Variants in CSNK1G1 observed in about 807,000 individuals in gnomAD.
CSNK1G1 encodes casein kinase I isoform gamma-1.
CSNK1G1 carries 22 observed loss-of-function variants against 59.6 expected under a neutral mutation model. That is an observed-to-expected ratio of 0.37 (90% CI 0.26 to 0.53). The LOEUF is 0.53. Among genes scored for constraint, CSNK1G1 ranks in the 20% least tolerant of loss-of-function variants. CSNK1G1 has a pLI of 0.89. For missense variants in CSNK1G1, 384 were observed against 519.5 expected (o/e 0.74, Z 2.54); for synonymous variants, 179 against 177.1 (o/e 1.01, Z -0.08).
intron 5 of CSNK1G1, among the ~76,000 whole-genome samples, chr15:64,215,415 C>A (rs942907903): frequency 1.3e-5 from 2 of 151,586 alleles, no homozygotes; most frequent in African/African-American, 2.4e-5. Context: ...GGTTTCACTG[C>A]GTTAGCCAGG....
intron 1 of CSNK1G1, among the ~76,000 whole-genome samples, chr15:64,309,864 C>T (rs1414610851): frequency 1.3e-5 from 2 of 152,074 alleles, no homozygotes; most frequent in African/African-American, 2.4e-5. Flanking sequence ...AATCCTAGAA[C>T]TTTGGGAGGT....
chr15:64,254,743 G>A (rs1228014363), intron 3 of CSNK1G1, among the ~76,000 whole-genome samples: 1 of 152,112 alleles, frequency 6.6e-6, no homozygotes, highest in African/African-American at 2.4e-5. Context: ...TCCTTTCCAT[G>A]GGTTGCCCTT....
intron 4 of CSNK1G1, among the ~76,000 whole-genome samples, chr15:64,236,157 A>AAAG (rs2082613710): frequency 6.6e-6 from 1 of 151,412 alleles, no homozygotes; most frequent in African/African-American, 2.4e-5. Context: ...AAAAAAAAAA[A>AAAG]AAAAGAAAAG....
chr15:64,165,926 G>A lies in CSNK1G1; in HGVS notation c.*6005C>T. On this transcript the variant is annotated 3_prime_UTR_variant, in exon 12 of 12. Coordinates refer to ENST00000303052, the MANE Select transcript of CSNK1G1 (RefSeq NM_022048.5). Reference sequence around the variant, plus strand: ...TTCTCCAAAGAAGGCTACTTCCTCTGCAGAGAAGATTTTCCTAATGGTGCA... The same window carrying A: ...TTCTCCAAAGAAGGCTACTTCCTCTACAGAGAAGATTTTCCTAATGGTGCA... 1.7e-6 allele frequency: 1 copy of A among 589,802 alleles called. No homozygotes were observed. Among genetic ancestry groups the A allele is most frequent in the Non-Finnish European group, 3.0e-6 (1 of 332,060 alleles). 36.5% of individuals were successfully genotyped at this position (589,802 alleles called of 1,614,324 possible).
chr15:64,194,844 A>C (rs2082019693), intron 10 of CSNK1G1, among the ~76,000 whole-genome samples: 1 of 152,172 alleles, frequency 6.6e-6, no homozygotes, highest in South Asian at 2.1e-4. Flanking sequence ...TGTCCTTTAA[A>C]TGTATTCCCT....
In CSNK1G1 at chr15:64,203,200, G is replaced by T. The variant is rs1440587948; in HGVS notation, c.1000-11C>A. 2 of 1,588,050 alleles carry T rather than the reference G, an allele frequency of 1.3e-6. No homozygotes were observed. The highest frequency in any genetic ancestry group is 2.2e-5 in the East Asian group (1 of 44,734). On this transcript the variant is annotated splice_polypyrimidine_tract_variant and intron_variant, in intron 9 of 11. Transcript: ENST00000303052. The stretch of plus-strand genomic sequence containing the variant: ...CCCTACTGGAGTAGGCTAGAAAAAT[G>T]AAACAAAAAGTCAAATGGGGGAAAC...
intron 2 of CSNK1G1, among the ~76,000 whole-genome samples, chr15:64,277,826 A>G (rs1293431298): frequency 8.1e-6 from 1 of 123,640 alleles, no homozygotes; most frequent in Admixed American, 8.2e-5. Flanking sequence ...TGATATATTT[A>G]ATAATAATAT....
intron 1 of CSNK1G1, among the ~76,000 whole-genome samples, chr15:64,355,728 G>A (rs981505566): frequency 5.9e-5 from 9 of 152,088 alleles, no homozygotes; most frequent in African/African-American, 1.4e-4. Flanking sequence ...GTCCACACCG[G>A]CTAGAGTCAG....
At chr15:64,245,972 G>A (rs1036163783) in intron 4 of CSNK1G1, among the ~76,000 whole-genome samples, 1 of 152,068 alleles carries the variant, frequency 6.6e-6, no homozygotes, top group Admixed American at 6.6e-5. Flanking sequence ...AAGAGAGCTT[G>A]GTTAATGGGT....
intron 1 of CSNK1G1, among the ~76,000 whole-genome samples, chr15:64,355,677 C>T (rs1898620136): frequency 6.6e-6 from 1 of 152,164 alleles, no homozygotes; most frequent in Admixed American, 6.5e-5. Context: ...CCGGGGGATG[C>T]TCCCCCTTTC....
chr15:64,256,034 G>C (rs982988151), intron 3 of CSNK1G1, among the ~76,000 whole-genome samples: 2 of 152,194 alleles, frequency 1.3e-5, no homozygotes, highest in African/African-American at 2.4e-5. Context: ...TTCAGATAGA[G>C]AGGTATCATA....
intron 1 of CSNK1G1, among the ~76,000 whole-genome samples, chr15:64,307,093 G>C (rs1453857488): frequency 2.0e-5 from 3 of 152,146 alleles, no homozygotes; most frequent in African/African-American, 7.2e-5. Flanking sequence ...CAAATCCATA[G>C]AATGTATAAT....
chr15:64,334,775 G>GCACTCACCTGC (rs923765788), intron 1 of CSNK1G1, among the ~76,000 whole-genome samples: 2 of 152,028 alleles, frequency 1.3e-5, no homozygotes, highest in Non-Finnish European at 2.9e-5. Flanking sequence ...GAAGCTTCAC[G>GCACTCACCTGC]CACTCACCTG....
rs562381951 is a variant in CSNK1G1, at chr15:64,233,353, T to C, written c.293-16640A>G. Among the ~76,000 whole-genome samples the C allele has an allele frequency of 5.9e-5, 9 of 151,498 alleles. No individual in the cohort carries two copies. The East Asian group carries it at 1.7e-3, about 29-fold the overall frequency. Reference sequence around the variant, plus strand: ...GAGGGAAAAGGACAGATTCTCTCTCTCTCTCTTTCTCTCTTTTTTTTACAT... The same window carrying C: ...GAGGGAAAAGGACAGATTCTCTCTCCCTCTCTTTCTCTCTTTTTTTTACAT... On this transcript the variant is annotated intron_variant, in intron 4 of 11. Transcript: ENST00000303052.
intron 2 of CSNK1G1, among the ~76,000 whole-genome samples, chr15:64,286,240 T>G (rs931485869): frequency 4.6e-5 from 7 of 151,426 alleles, no homozygotes; most frequent in African/African-American, 1.7e-4. Context: ...AGCAGAGATA[T>G]CACTCTTTCT....
chr15:64,268,689 T>C (rs2061953769), intron 2 of CSNK1G1, among the ~76,000 whole-genome samples: 1 of 152,002 alleles, frequency 6.6e-6, no homozygotes, highest in Admixed American at 6.6e-5. Flanking sequence ...CTAACTGGGG[T>C]GTTTAAATTG....
intron 1 of CSNK1G1, among the ~76,000 whole-genome samples, chr15:64,316,516 A>G (rs1384867201): frequency 1.4e-5 from 2 of 142,818 alleles, no homozygotes; most frequent in African/African-American, 5.2e-5. Context: ...AGCCTGGACG[A>G]GAGAGCAAGA....
At chr15:64,309,337 CACACACACACACACAAAT>C (rs1172248349) in intron 1 of CSNK1G1, among the ~76,000 whole-genome samples, 2 of 151,080 alleles carry the variant, frequency 1.3e-5, no homozygotes, top group Non-Finnish European at 3.0e-5. Context: ...CACACACACA[CACACACACACACACAAAT>C]AAATGAGTTC....
intron 2 of CSNK1G1, among the ~76,000 whole-genome samples, chr15:64,280,384 CT>C (rs762282932): frequency 5.6e-4 from 82 of 145,494 alleles, no homozygotes; most frequent in Admixed American, 6.9e-4. Context: ...TCAGACTTAC[CT>C]TTTTTTTTTT....
Sources: allele counts gnomAD v4.1 joint callset (sites outside exome capture counted in the v4.1 genomes callset), GRCh38; gene constraint gnomAD v4.1.1; transcripts MANE v1.5; gene names NCBI Gene and HGNC (gene_info 2026-07-23, HGNC 2026-07-21).